The following ODAD2 variants were observed in gnomAD, a reference collection of about 807,000 sequenced individuals.
ODAD2 encodes outer dynein arm docking complex subunit 2.
In ODAD2, 89 loss-of-function variants were observed where a neutral mutation model predicts 106.8. That is an observed-to-expected ratio of 0.83 (90% CI 0.70 to 0.99). ODAD2 has a LOEUF of 0.99. Ranked by LOEUF, ODAD2 falls within the 50% of genes least tolerant of loss-of-function variation. ODAD2 has a pLI of 0.00. For missense variants in ODAD2, 1,168 were observed against 1,238.5 expected (o/e 0.94, Z 0.85); for synonymous variants, 404 against 436.2 (o/e 0.93, Z 0.92).
At chr10:27,844,498 C>T (rs1487446189) in intron 19 of ODAD2, among the ~76,000 whole-genome samples, 1 of 152,214 alleles carries the variant, frequency 6.6e-6, no homozygotes, top group Non-Finnish European at 1.5e-5. Context: ...GCATCTGGCA[C>T]TTGAGCAATA....
rs377545802 is a variant in ODAD2 at position 27,907,790 on chromosome 10, C to A, written c.2496-13G>T. 1 of 1,554,988 alleles carries A rather than the reference C, an allele frequency of 6.4e-7. No individual in the cohort carries two copies. The highest frequency in any genetic ancestry group is 8.9e-7 in the Non-Finnish European group (1 of 1,126,818). On this transcript the variant is annotated splice_polypyrimidine_tract_variant and intron_variant, in intron 16 of 19. Coordinates refer to ENST00000305242, the MANE Select transcript of ODAD2 (RefSeq NM_018076.5). ...GCGATCAATTATCCTATCGTGGAAC[C>A]CAAAATCATGATATAAACTGTCATT... is the stretch of plus-strand genomic sequence containing the variant.
chr10:27,979,193 G>C (rs1455784275), intron 7 of ODAD2, among the ~76,000 whole-genome samples: 1 of 142,794 alleles, frequency 7.0e-6, no homozygotes, highest in African/African-American at 2.7e-5. Flanking sequence ...CCAGACTGCA[G>C]TCTGGGTGAC....
At position 27,877,845 on chromosome 10, in the gene ODAD2, G is replaced by T. The variant is rs1336637340; in HGVS notation, c.2611-15223C>A. On this transcript the variant is annotated intron_variant, in intron 17 of 19. Transcript: ENST00000305242. ...AGGCTAAATTTTGCAATTTATAAAG[G>T]ACTTCCACATGCATTATCTCATATG... is the stretch of plus-strand genomic sequence containing the variant. Among the ~76,000 whole-genome samples the T allele has an allele frequency of 2.0e-5, 3 of 152,050 alleles. 1 individual carries two copies. Among genetic ancestry groups the T allele is most frequent in the East Asian group, 3.9e-4 (2 of 5,192 alleles).
intron 10 of ODAD2, among the ~76,000 whole-genome samples, chr10:27,958,371 ACT>A (rs889527389): frequency 7.2e-5 from 11 of 152,114 alleles, no homozygotes; most frequent in Non-Finnish European, 1.2e-4. Flanking sequence ...ATTATGAGAA[ACT>A]CTCTTTGCCA....
chr10:27,894,613 G>A (rs1842749488), intron 17 of ODAD2, among the ~76,000 whole-genome samples: 1 of 151,816 alleles, frequency 6.6e-6, no homozygotes. Context: ...GTCTTGCTTT[G>A]TTGCCCAGGC....
intron 6 of ODAD2, among the ~76,000 whole-genome samples, chr10:27,983,037 C>G (rs926039308): frequency 2.6e-5 from 4 of 152,204 alleles, no homozygotes; most frequent in African/African-American, 7.2e-5. Context: ...GAGGAGGGAC[C>G]TGCTGCTTCC....
At chr10:27,993,716 A>C (rs1339462115) in intron 2 of ODAD2, among the ~76,000 whole-genome samples, 1 of 152,134 alleles carries the variant, frequency 6.6e-6, no homozygotes, top group Non-Finnish European at 1.5e-5. Flanking sequence ...CCAATAGAAG[A>C]ATTAAAGAGC....
At chr10:27,928,376 A>T (rs571139853) in intron 16 of ODAD2, among the ~76,000 whole-genome samples, 1 of 152,192 alleles carries the variant, frequency 6.6e-6, no homozygotes, top group South Asian at 2.1e-4. Flanking sequence ...TTATTACATT[A>T]TATTTTATAG....
Position 27,860,702 on chromosome 10 carries a change from C to T in ODAD2, c.2944G>A (p.Ala982Thr), listed in dbSNP as rs146309511. 17 of 1,614,020 alleles carry T rather than the reference C, an allele frequency of 1.1e-5. No individual in the cohort carries two copies. The African/African-American group carries it at 1.9e-4, about 18-fold the overall frequency. The change falls in exon 19 of 20, where the codon GCG (alanine) becomes ACG (threonine). Residue 982 changes from alanine (A) to threonine (T), a missense_variant. Coordinates refer to ENST00000305242, the MANE Select transcript of ODAD2 (RefSeq NM_018076.5). The part of the protein sequence containing the change: ...LKSNDTNVHR[A>T]TAQALYQLSE... Reference sequence around the variant, plus strand: ...AGTTGGTACAAGGCCTGAGCTGTCGCCCGATGCACGTTGGTGTCATTTGAT... The same window carrying T: ...AGTTGGTACAAGGCCTGAGCTGTCGTCCGATGCACGTTGGTGTCATTTGAT...
chr10:27,850,501 G>A (rs1839178363), intron 19 of ODAD2, among the ~76,000 whole-genome samples: 1 of 150,906 alleles, frequency 6.6e-6, no homozygotes, highest in Non-Finnish European at 1.5e-5. Flanking sequence ...AGGTTGTAGT[G>A]AGCTGATATC....
chr10:27,844,005 C>T (rs1838512639), intron 19 of ODAD2, among the ~76,000 whole-genome samples: 2 of 152,112 alleles, frequency 1.3e-5, no homozygotes, highest in South Asian at 4.1e-4. Context: ...CAAGACTGAC[C>T]TGGGCAACAC....
Position 27,983,973 on chromosome 10 carries a change from T to C in ODAD2, c.689A>G (p.Glu230Gly). The C allele has an allele frequency of 1.2e-6, 2 of 1,607,662 alleles. No homozygotes were observed. Among genetic ancestry groups the C allele is most frequent in the African/African-American group, 1.3e-5 (1 of 74,470 alleles). ...TGGGGCTCGACATCCATTTGAAAAT[T>C]CATAATCTGAAACCAATCATCAAGC... ...LESIEYTSDY[E>G]FSNGCRAPPW... is the part of the protein sequence containing the mutation. Residue 230 changes from glutamate (E) to glycine (G), a missense_variant, in exon 6 of 20, where the codon GAA becomes GGA. Coordinates refer to ENST00000305242, the MANE Select transcript of ODAD2 (RefSeq NM_018076.5).
At chr10:27,958,307 G>T (rs1282295571) in intron 10 of ODAD2, among the ~76,000 whole-genome samples, 1 of 152,126 alleles carries the variant, frequency 6.6e-6, no homozygotes, top group East Asian at 1.9e-4. Flanking sequence ...AAAGCTACAA[G>T]GACTTATCCT....
Position 27,935,264 on chromosome 10 carries a change from A to G in ODAD2, c.2253-12T>C, listed in dbSNP as rs201117549. On this transcript the variant is annotated splice_polypyrimidine_tract_variant and intron_variant, in intron 15 of 19. Transcript: ENST00000305242. ...TGTATTCCCGAAACCTAAGTTCATC[A>G]TAAGAAAGAGGAGAATTGGTTTTTG... The G allele has an allele frequency of 1.9e-6, 3 of 1,612,902 alleles. No homozygotes were observed. The East Asian group carries it at 6.7e-5, about 36-fold the overall frequency.
chr10:27,922,364 G>T (rs1163724849), intron 16 of ODAD2, among the ~76,000 whole-genome samples: 1 of 151,910 alleles, frequency 6.6e-6, no homozygotes, highest in African/African-American at 2.4e-5. Context: ...TAGAACTTAA[G>T]CTAATTGAAT....
At chr10:27,855,240 T>A (rs1346198447) in intron 19 of ODAD2, among the ~76,000 whole-genome samples, 2 of 152,152 alleles carry the variant, frequency 1.3e-5, no homozygotes, top group Non-Finnish European at 2.9e-5. Context: ...TTGATGTACA[T>A]ATGATATTAA....
chr10:27,870,976 G>T (rs1328013575), intron 17 of ODAD2, among the ~76,000 whole-genome samples: 2 of 152,198 alleles, frequency 1.3e-5, no homozygotes, highest in Non-Finnish European at 2.9e-5. Flanking sequence ...TACCAACAGT[G>T]TGAAAGTGTT....
Position 27,860,816 on chromosome 10 carries a change from C to T in ODAD2, c.2830G>A (p.Glu944Lys). Residue 944 changes from glutamate to lysine, a missense_variant, in exon 19 of 20, where the codon GAA becomes AAA. Transcript: ENST00000305242. ...CACATACAGCAACGTGAAATAGCTT[C>T]TGCTAGATGATGTCTCAATTTATTG... ...NNNKLRHHLA[E>K]AISRCCMWGR... 1 of 1,614,134 alleles carries T rather than the reference C, an allele frequency of 6.2e-7. No homozygotes were observed.
At chr10:27,995,733 A>G (rs1041982143) in intron 1 of ODAD2, 1 of 152,674 alleles carries the variant, frequency 6.5e-6, no homozygotes, top group Non-Finnish European at 1.5e-5. Context: ...TCTGAGTTAA[A>G]AAAGAAATAG....
Sources: allele counts gnomAD v4.1 joint callset (sites outside exome capture counted in the v4.1 genomes callset), GRCh38; gene constraint gnomAD v4.1.1; transcripts MANE v1.5; gene names NCBI Gene and HGNC (gene_info 2026-07-23, HGNC 2026-07-21).